ZNF277: variants seen among roughly 807,000 people sequenced by gnomAD.
The protein encoded by ZNF277 is nuclear receptor-interacting factor 4.
Under a neutral mutation model 60.7 loss-of-function variants are expected in ZNF277, and 55 were observed. That is an observed-to-expected ratio of 0.91 (90% confidence interval 0.73 to 1.13). The LOEUF (loss-of-function observed/expected upper bound fraction) is 1.13. ZNF277 is among the 50% of genes most tolerant of loss of function. The pLI is 0.00. For missense variants in ZNF277, 510 were observed against 523.0 expected (o/e 0.98, Z 0.24); for synonymous variants, 178 against 179.3 (o/e 0.99, Z 0.06).
chr7:112,276,822 G>A (rs1190252431), intron 1 of ZNF277, among the ~76,000 whole-genome samples: 1 of 152,072 alleles, frequency 6.6e-6, no homozygotes, highest in Non-Finnish European at 1.5e-5. Flanking sequence ...TTTATCTGTA[G>A]TTTCCATATT....
chr7:112,259,461 G>A (rs1025396313), intron 1 of ZNF277, among the ~76,000 whole-genome samples: 10 of 152,186 alleles, frequency 6.6e-5, no homozygotes, highest in Middle Eastern at 3.4e-3. Context: ...AACCTAAGCC[G>A]CAGATACTTC....
intron 1 of ZNF277, among the ~76,000 whole-genome samples, chr7:112,277,984 AG>A (rs1791849331): frequency 6.6e-6 from 1 of 152,216 alleles, no homozygotes; most frequent in South Asian, 2.1e-4. Flanking sequence ...TGTCTCCAAA[AG>A]ATTGCATTCT....
rs57498353 is a variant in ZNF277 at position 112,316,488 on chromosome 7, A to G, written c.466-1694A>G. Among the ~76,000 whole-genome samples the G allele has an allele frequency of 9.2e-3, 1,404 of 152,148 alleles. 18 individuals carry two copies. Among genetic ancestry groups the G allele is most frequent in the African/African-American group, 0.032 (1,332 of 41,524 alleles). On this transcript the variant is annotated intron_variant, in intron 4 of 11. Coordinates refer to ENST00000361822, the MANE Select transcript of ZNF277 (RefSeq NM_021994.3). ...CCCTTTGTCAGATGGATAGATTGCA[A>G]AAATTTTCTCCCGTTCTGTAGGTTG... is the stretch of plus-strand genomic sequence containing the variant.
chr7:112,276,511 G>C (rs189356309), intron 1 of ZNF277, among the ~76,000 whole-genome samples: 147 of 152,206 alleles, frequency 9.7e-4, no homozygotes, highest in Middle Eastern at 3.4e-3. Context: ...TGTTTTCCCT[G>C]AGTCTATGTG....
intron 1 of ZNF277, among the ~76,000 whole-genome samples, chr7:112,258,019 C>T (rs1791362483): frequency 6.6e-6 from 1 of 151,904 alleles, no homozygotes; most frequent in Admixed American, 6.6e-5. Flanking sequence ...TGCTATGTTA[C>T]CCAGGCTGGC....
chr7:112,320,719 T>G (rs1171038722), intron 5 of ZNF277, among the ~76,000 whole-genome samples: 1 of 152,078 alleles, frequency 6.6e-6, no homozygotes, highest in Non-Finnish European at 1.5e-5. Flanking sequence ...TTTTATCCAT[T>G]CTGCCAGTCT....
At chr7:112,299,774 G>A (rs1290976129) in intron 4 of ZNF277, among the ~76,000 whole-genome samples, 1 of 152,052 alleles carries the variant, frequency 6.6e-6, no homozygotes, top group East Asian at 1.9e-4. Flanking sequence ...TGAGGATCTT[G>A]AGGATCTCAA....
At chr7:112,213,882 T>C (rs1208828578) in intron 1 of ZNF277, among the ~76,000 whole-genome samples, 3 of 152,242 alleles carry the variant, frequency 2.0e-5, no homozygotes, top group African/African-American at 7.2e-5. Flanking sequence ...GTTTCTCTTC[T>C]GTAAAATGAG....
chr7:112,319,648 TA>T (rs1397086711), intron 5 of ZNF277, among the ~76,000 whole-genome samples: 2 of 147,618 alleles, frequency 1.4e-5, no homozygotes, highest in East Asian at 3.9e-4. Context: ...TTATAATTTA[TA>T]AATTATATAA....
chr7:112,284,434 G>A (rs1477406634), intron 1 of ZNF277, among the ~76,000 whole-genome samples: 5 of 152,102 alleles, frequency 3.3e-5, no homozygotes, highest in African/African-American at 1.2e-4. Context: ...TACTATCATA[G>A]AGTTTCATAA....
chr7:112,226,337 G>A (rs1422041788), intron 1 of ZNF277, among the ~76,000 whole-genome samples: 1 of 152,130 alleles, frequency 6.6e-6, no homozygotes, highest in Non-Finnish European at 1.5e-5. Flanking sequence ...GGGAGATGTA[G>A]CATCCTTTAA....
intron 2 of ZNF277, among the ~76,000 whole-genome samples, chr7:112,292,425 G>A (rs987703038): frequency 2.0e-5 from 3 of 152,088 alleles, no homozygotes; most frequent in South Asian, 4.1e-4. Context: ...TATGCCTTTC[G>A]GAAGGGGAAA....
intron 1 of ZNF277, among the ~76,000 whole-genome samples, chr7:112,228,122 C>T (rs1344328040): frequency 6.6e-6 from 1 of 151,996 alleles, no homozygotes; most frequent in Non-Finnish European, 1.5e-5. Context: ...TGGCTTCTGG[C>T]AGCGTGACTC....
intron 1 of ZNF277, among the ~76,000 whole-genome samples, chr7:112,216,459 G>T (rs1283693515): frequency 6.6e-6 from 1 of 152,050 alleles, no homozygotes; most frequent in Non-Finnish European, 1.5e-5. Context: ...ACAGGTGTGT[G>T]CCACCATGCG....
Position 112,340,932 on chromosome 7 carries a change from G to A in ZNF277, c.1070G>A (p.Cys357Tyr). 1 of 1,612,900 alleles carries A rather than the reference G, an allele frequency of 6.2e-7. No individual in the cohort carries two copies. Among genetic ancestry groups the A allele is most frequent in the Non-Finnish European group, 8.5e-7 (1 of 1,179,604 alleles). ...TTTATTCGGAGGCAAGTTCACCAAT[G>A]CAGATGTTATGGCTGCCATGTGAAG... Reference protein sequence around the residue: ...VNFIRRQVHQCRCYGCHVKFK... With the variant: ...VNFIRRQVHQYRCYGCHVKFK... Residue 357 changes from cysteine (C) to tyrosine (Y), a missense_variant, in exon 11 of 12, where the codon TGC becomes TAC. Transcript: ENST00000361822.
intron 1 of ZNF277, among the ~76,000 whole-genome samples, chr7:112,278,149 C>T (rs920229568): frequency 6.6e-6 from 1 of 152,008 alleles, no homozygotes; most frequent in African/African-American, 2.4e-5. Context: ...GTGTTTTCTC[C>T]CTTGTCTCTT....
At chr7:112,338,099 G>A (rs1563234223) in intron 9 of ZNF277, among the ~76,000 whole-genome samples, 1 of 152,202 alleles carries the variant, frequency 6.6e-6, no homozygotes. Context: ...CTCAGCAGGT[G>A]GGACAGGTTC....
chr7:112,319,014 TC>T (rs1792915110), intron 5 of ZNF277, among the ~76,000 whole-genome samples: 2 of 151,926 alleles, frequency 1.3e-5, no homozygotes, highest in Admixed American at 1.3e-4. Context: ...TCTGAGAGGG[TC>T]CTGAATAAGG....
chr7:112,277,258 A>G (rs1371596310), intron 1 of ZNF277, among the ~76,000 whole-genome samples: 1 of 151,672 alleles, frequency 6.6e-6, no homozygotes, highest in Non-Finnish European at 1.5e-5. Flanking sequence ...AATTTTTTGT[A>G]TTTTTATTAG....
Sources: allele counts gnomAD v4.1 joint callset (sites outside exome capture counted in the v4.1 genomes callset), GRCh38; gene constraint gnomAD v4.1.1; transcripts MANE v1.5; gene names NCBI Gene and HGNC (gene_info 2026-07-23, HGNC 2026-07-21).